Variants in GBF1 observed in about 807,000 individuals in gnomAD.
GBF1 encodes golgi brefeldin A resistant guanine nucleotide exchange factor 1.
Under a neutral mutation model 210.5 loss-of-function variants are expected in GBF1, and 114 were observed. The ratio of observed to expected loss-of-function variants is 0.54; its 90% confidence interval spans 0.47 to 0.63. The LOEUF is 0.63. Among genes scored for constraint, GBF1 ranks in the 30% least tolerant of loss-of-function variants. The probability of loss-of-function intolerance (pLI) is 0.00; values close to 1 mark genes in which losing one functional copy is unlikely to be tolerated. For synonymous variants in GBF1, 850 were observed against 889.2 expected (o/e 0.96, Z 0.78); for missense variants, 1,851 against 2,357.7 (o/e 0.79, Z 4.45).
At chr10:102,257,365 G>A (rs114681656) in intron 1 of GBF1, among the ~76,000 whole-genome samples, 398 of 152,166 alleles carry the variant, frequency 2.6e-3, no homozygotes, top group African/African-American at 7.5e-3. Context: ...CTGGAGTGCA[G>A]TTGTGGGGTC....
intron 3 of GBF1, among the ~76,000 whole-genome samples, chr10:102,330,493 G>A (rs2057258192): frequency 6.6e-6 from 1 of 152,088 alleles, no homozygotes; most frequent in Non-Finnish European, 1.5e-5. Flanking sequence ...AGACCAGCCT[G>A]GCCAACATGG....
At position 102,377,074 on chromosome 10, in the gene GBF1, T is replaced by A; in HGVS notation, c.4428T>A (p.Ser1476Arg). 1 of 1,613,356 alleles carries A rather than the reference T, an allele frequency of 6.2e-7. No homozygotes were observed. The highest frequency in any genetic ancestry group is 8.5e-7 in the Non-Finnish European group (1 of 1,179,714). The change falls in exon 33 of 40, where the codon AGT (serine) becomes AGA (arginine). Residue 1476 changes from serine (S) to arginine (R), a missense_variant. By Grantham distance (110) the Ser-to-Arg change is moderately radical. Transcript: ENST00000369983. ...SSQHASRGGQ[S>R]DDDEDEGVPA... ...AACATGCCTCTCGGGGCGGGCAGAG[T>A]GATGATGATGAGGACGAAGGCGTGC...
chr10:102,278,764 A>T (rs1036633959), intron 3 of GBF1, among the ~76,000 whole-genome samples: 2 of 152,318 alleles, frequency 1.3e-5, no homozygotes, highest in Admixed American at 1.3e-4. Flanking sequence ...TTATGGTTAG[A>T]TTCAGGTGGT....
At chr10:102,372,717 A>G (rs1437409212) in intron 29 of GBF1, among the ~76,000 whole-genome samples, 1 of 152,220 alleles carries the variant, frequency 6.6e-6, no homozygotes, top group Non-Finnish European at 1.5e-5. Context: ...TAAAATCCAT[A>G]GGAGGAAAAA....
At chr10:102,360,703 T>C (rs560150221) in intron 12 of GBF1, among the ~76,000 whole-genome samples, 5 of 152,176 alleles carry the variant, frequency 3.3e-5, no homozygotes, top group African/African-American at 9.6e-5. Flanking sequence ...CCGGGCTGGG[T>C]GCAGTGGCTC....
intron 3 of GBF1, among the ~76,000 whole-genome samples, chr10:102,298,823 C>T (rs945409028): frequency 6.6e-6 from 1 of 152,188 alleles, no homozygotes; most frequent in Non-Finnish European, 1.5e-5. Context: ...CCTACTCTTA[C>T]CTCTACATCA....
intron 29 of GBF1, among the ~76,000 whole-genome samples, chr10:102,375,049 C>G (rs2135293642): frequency 6.6e-6 from 1 of 152,064 alleles, no homozygotes; most frequent in Middle Eastern, 3.4e-3. Flanking sequence ...TCACATGCAC[C>G]TGTAGTCCCA....
intron 19 of GBF1, 34 bp from the exon 20 acceptor site, chr10:102,367,051 G>A: frequency 6.2e-7 from 1 of 1,612,104 alleles, no homozygotes; most frequent in Non-Finnish European, 8.5e-7. Flanking sequence ...GCCAGAGAAG[G>A]GCATTGACAC....
chr10:102,293,774 T>TTTTTTG, intron 3 of GBF1, among the ~76,000 whole-genome samples: 3 of 26,812 alleles, frequency 1.1e-4, no homozygotes, highest in East Asian at 1.8e-3. Flanking sequence ...GTTTTGTGTT[T>TTTTTTG]TTTTTTTTTT....
intron 14 of GBF1, among the ~76,000 whole-genome samples, chr10:102,362,178 T>C (rs934182103): frequency 7.0e-6 from 1 of 143,264 alleles, no homozygotes; most frequent in African/African-American, 2.6e-5. Flanking sequence ...TGCCTCAGCC[T>C]CCCGAGTAGC....
At chr10:102,317,036 T>C (rs1239759603) in intron 3 of GBF1, among the ~76,000 whole-genome samples, 1 of 152,212 alleles carries the variant, frequency 6.6e-6, no homozygotes, top group Non-Finnish European at 1.5e-5. Flanking sequence ...TTTTGGGAAG[T>C]GAGTTTTACT....
At chr10:102,379,730 G>A in intron 35 of GBF1, 79 bp downstream of exon 35, 3 of 1,538,570 alleles carry the variant, frequency 1.9e-6, no homozygotes, top group African/African-American at 1.4e-5. Flanking sequence ...AGCCCCTAAT[G>A]TGAGTCTTCA....
At chr10:102,378,665 G>A (rs1017526957) in intron 33 of GBF1, among the ~76,000 whole-genome samples, 5 of 152,108 alleles carry the variant, frequency 3.3e-5, no homozygotes, top group South Asian at 2.1e-4. Flanking sequence ...AAATTAGGCC[G>A]GGCATGGTAT....
In GBF1 at chr10:102,382,095, G is replaced by C; in HGVS notation, c.5342G>C (p.Ser1781Thr). Residue 1781 changes from serine (S) to threonine (T), a missense_variant, in exon 40 of 40, where the codon AGC (serine) becomes ACC (threonine). Transcript: ENST00000369983. ...GAGAGCCCCCGAGCCGCCAGCAGCA[G>C]CTCCCCAGGATCACCAGTGGCCTCA... ...KPESPRAASS[S>T]SPGSPVASSP... is the part of the protein sequence containing the mutation. 6.4e-7 allele frequency: 1 copy of C among 1,573,978 alleles called. No individual in the cohort carries two copies. Among genetic ancestry groups the C allele is most frequent in the Non-Finnish European group, 8.6e-7 (1 of 1,159,872 alleles).
At chr10:102,258,589 C>T (rs1335665625) in intron 1 of GBF1, among the ~76,000 whole-genome samples, 2 of 150,358 alleles carry the variant, frequency 1.3e-5, no homozygotes, top group Non-Finnish European at 3.0e-5. Flanking sequence ...CTGACCAACA[C>T]AGAGAAACCC....
chr10:102,244,553 C>A (rs2070662569), upstream of GBF1, among the ~76,000 whole-genome samples: 1 of 152,190 alleles, frequency 6.6e-6, no homozygotes, highest in South Asian at 2.1e-4. Flanking sequence ...GGGCATCCAA[C>A]CCTCAGGCCC....
intron 3 of GBF1, among the ~76,000 whole-genome samples, chr10:102,301,082 A>T (rs1006773516): frequency 6.6e-6 from 1 of 151,912 alleles, no homozygotes; most frequent in African/African-American, 2.4e-5. Flanking sequence ...CAGCAAATAA[A>T]CAAGTGAACA....
intron 8 of GBF1, among the ~76,000 whole-genome samples, chr10:102,356,562 G>A (rs1432185403): frequency 1.3e-5 from 2 of 152,146 alleles, no homozygotes; most frequent in East Asian, 1.9e-4. Context: ...TCAGGAGATC[G>A]AGACCATCCT....
Position 102,368,755 on chromosome 10 carries a change from T to G in GBF1, c.2896T>G (p.Ser966Ala). The G allele has an allele frequency of 1.9e-6, 3 of 1,612,334 alleles. No homozygotes were observed. The highest frequency in any genetic ancestry group is 2.5e-6 in the Non-Finnish European group (3 of 1,178,410). Residue 966 changes from serine to alanine, a missense_variant, in exon 23 of 40, where the codon TCC (serine) becomes GCC (alanine). By Grantham distance (99) the Ser-to-Ala change is moderately conservative. Transcript: ENST00000369983. Reference protein sequence around the residue: ...ISGFRKCAMISAHYGLSDVFD... With the variant: ...ISGFRKCAMIAAHYGLSDVFD... ...ACATTACAGGAAGTGCGCCATGATC[T>G]CCGCCCACTATGGCCTCAGCGATGT...
Sources: gnomAD v4.1 joint callset for allele counts (sites outside exome capture counted in the v4.1 genomes callset) on GRCh38, gnomAD v4.1.1 for gene constraint, MANE v1.5 for transcripts, NCBI Gene and HGNC (gene_info 2026-07-23, HGNC 2026-07-21) for gene names.